Variants in PCDHA5 observed in about 807,000 individuals in gnomAD.
The protein encoded by PCDHA5 is protocadherin alpha 5.
PCDHA5 carries 43 observed loss-of-function variants against 61.6 expected under a neutral mutation model. The observed-to-expected ratio is 0.70, with a 90% CI of 0.55 to 0.90. PCDHA5 has a LOEUF of 0.90. Among genes scored for constraint, PCDHA5 ranks in the 40% least tolerant of loss-of-function variants. The probability of loss-of-function intolerance (pLI) is 0.00; values close to 1 mark genes in which losing one functional copy is unlikely to be tolerated. For missense variants in PCDHA5, 1,298 were observed against 1,222.7 expected (o/e 1.06, Z -0.92); for synonymous variants, 627 against 543.9 (o/e 1.15, Z -2.13).
At chr5:140,899,035 G>C (rs2067107583) in intron 1 of PCDHA5, among the ~76,000 whole-genome samples, 1 of 151,908 alleles carries the variant, frequency 6.6e-6, no homozygotes, top group African/African-American at 2.4e-5. Context: ...TTTGTACATT[G>C]ATTTTGTATC....
chr5:140,876,092 A>C, intron 1 of PCDHA5: 2 of 1,613,948 alleles, frequency 1.2e-6, no homozygotes, highest in Non-Finnish European at 1.7e-6. Context: ...CAAACGCCAA[A>C]ACTCAATTTA....
chr5:140,830,142 T>A, intron 1 of PCDHA5: 7 of 1,613,256 alleles, frequency 4.3e-6, no homozygotes, highest in Non-Finnish European at 5.9e-6. Context: ...CGGGCGTCGG[T>A]GGGCGCCGCG....
intron 1 of PCDHA5, chr5:140,927,292 C>G (rs782109776): frequency 1.3e-5 from 21 of 1,614,162 alleles, no homozygotes; most frequent in Non-Finnish European, 1.7e-6. Context: ...GCTGCACATC[C>G]CCGAGTTCCT....
In PCDHA5 at chr5:140,822,473, A is replaced by T. The variant is rs2150116639; in HGVS notation, c.698A>T (p.Asp233Val). The T allele has an allele frequency of 3.7e-6, 6 of 1,613,830 alleles. No individual in the cohort carries two copies. Among genetic ancestry groups the T allele is most frequent in the Middle Eastern group, 3.3e-4 (2 of 6,062 alleles). The change falls in exon 1 of 4, where the codon GAT (aspartate) becomes GTT (valine). Residue 233 changes from aspartate to valine, a missense_variant. Transcript: ENST00000529859. ...GTTCAGTTGTTGATCAATGTATTGG[A>T]TGCTAATGATAACGCCCCAGAATTT... is the stretch of plus-strand genomic sequence containing the variant. ...GTVQLLINVL[D>V]ANDNAPEFDK... is the part of the protein sequence containing the mutation.
At chr5:140,974,284 G>C (rs1409183152) in intron 1 of PCDHA5, among the ~76,000 whole-genome samples, 2 of 152,092 alleles carry the variant, frequency 1.3e-5, no homozygotes, top group Non-Finnish European at 2.9e-5. Flanking sequence ...CAGAACTCTG[G>C]GCTCCAAGGA....
Position 141,009,639 on chromosome 5 carries a change from G to A in PCDHA5, c.2513G>A (p.Gly838Glu). The stretch of plus-strand genomic sequence containing the variant: ...TTTTGTCTTTCAGAACCAGAGGCAG[G>A]AGAAGTGTCCCCTCCAGTCGGTGCG... ...VSSATPEPEA[G>E]EVSPPVGAGV... The change falls in exon 4 of 4, where the codon GGA becomes GAA. Residue 838 changes from glycine to glutamate, a missense_variant. Transcript: ENST00000529859. The A allele has an allele frequency of 6.2e-7, 1 of 1,613,406 alleles. No individual in the cohort carries two copies. The highest frequency in any genetic ancestry group is 8.5e-7 in the Non-Finnish European group (1 of 1,179,594).
intron 1 of PCDHA5, chr5:140,875,557 G>A (rs2055595805): frequency 6.2e-7 from 1 of 1,613,946 alleles, no homozygotes; most frequent in Non-Finnish European, 8.5e-7. Flanking sequence ...GGTGGGGAGC[G>A]GCCAGCTCCA....
At position 140,843,578 on chromosome 5, in the gene PCDHA5, C is replaced by T. The variant is rs1372766659; in HGVS notation, c.2352+19451C>T. On this transcript the variant is annotated intron_variant, in intron 1 of 3. Coordinates refer to ENST00000529859, the MANE Select transcript of PCDHA5 (RefSeq NM_018908.3). ...GGTGGGGAGCTGGTCATACTCGCAA[C>T]AACAGCCGCAGAGGGTGTGCTCTGG... 9 of 1,595,980 alleles carry T rather than the reference C, an allele frequency of 5.6e-6. 1 individual carries two copies. The highest frequency in any genetic ancestry group is 7.7e-6 in the Non-Finnish European group (9 of 1,165,492).
chr5:140,880,063 G>A (rs750549371), intron 1 of PCDHA5, among the ~76,000 whole-genome samples: 2 of 151,982 alleles, frequency 1.3e-5, no homozygotes, highest in Non-Finnish European at 2.9e-5. Flanking sequence ...AACTTTTTGG[G>A]GACCACAATT....
intron 1 of PCDHA5, among the ~76,000 whole-genome samples, chr5:140,945,351 A>C (rs1368185977): frequency 6.6e-6 from 1 of 152,138 alleles, no homozygotes; most frequent in Admixed American, 6.5e-5. Flanking sequence ...GGAAAAATTA[A>C]TACTGTTTAA....
At chr5:140,937,829 A>G (rs1305110198) in intron 1 of PCDHA5, among the ~76,000 whole-genome samples, 2 of 148,988 alleles carry the variant, frequency 1.3e-5, no homozygotes, top group African/African-American at 2.5e-5. Context: ...GGAGAATGGC[A>G]TGAACCTGGA....
chr5:140,889,417 A>G (rs2062219100), intron 1 of PCDHA5, among the ~76,000 whole-genome samples: 1 of 152,040 alleles, frequency 6.6e-6, no homozygotes. Context: ...TCAGTTACGT[A>G]GATAATATTT....
intron 3 of PCDHA5, among the ~76,000 whole-genome samples, chr5:141,003,801 A>T (rs1554259323): frequency 1.3e-5 from 2 of 152,172 alleles, no homozygotes; most frequent in African/African-American, 4.8e-5. Context: ...ATTGGGTTGT[A>T]ATCTGTAGTC....
chr5:140,885,566 G>T (rs190303990), intron 1 of PCDHA5, among the ~76,000 whole-genome samples: 3 of 152,162 alleles, frequency 2.0e-5, no homozygotes, highest in South Asian at 4.2e-4. Flanking sequence ...GAAATTGATT[G>T]TCAGATGTGG....
At chr5:140,922,866 GA>G (rs557650266) in intron 1 of PCDHA5, among the ~76,000 whole-genome samples, 2 of 152,096 alleles carry the variant, frequency 1.3e-5, no homozygotes, top group Non-Finnish European at 2.9e-5. Flanking sequence ...TAGACAAGGG[GA>G]AAAAATCCAA....
Position 140,848,639 on chromosome 5 carries a change from C to A in PCDHA5, c.2352+24512C>A, listed in dbSNP as rs2150415771. 38 of 1,593,274 alleles carry A rather than the reference C, an allele frequency of 2.4e-5. 3 individuals carry two copies. Among genetic ancestry groups the A allele is most frequent in the Non-Finnish European group, 3.1e-5 (36 of 1,163,894 alleles). On this transcript the variant is annotated intron_variant, in intron 1 of 3. Coordinates refer to ENST00000529859, the MANE Select transcript of PCDHA5 (RefSeq NM_018908.3). ...AACACGGCACCTTCGTGGGCCGCAT[C>A]GCGCAGGACCTGGGGCTGGAGCTGG... is the stretch of plus-strand genomic sequence containing the variant.
At chr5:140,858,581 T>C in intron 1 of PCDHA5, 1 of 1,350,098 alleles carries the variant, frequency 7.4e-7, no homozygotes, top group South Asian at 1.4e-5. Context: ...CTTTGTAATA[T>C]AATTTATTCC....
intron 1 of PCDHA5, among the ~76,000 whole-genome samples, chr5:140,892,021 G>A (rs2063355611): frequency 6.6e-6 from 1 of 152,160 alleles, no homozygotes; most frequent in Admixed American, 6.5e-5. Context: ...AGCACAAATG[G>A]TCTAAGATAC....
At chr5:140,936,527 T>G (rs533687361) in intron 1 of PCDHA5, among the ~76,000 whole-genome samples, 3 of 152,368 alleles carry the variant, frequency 2.0e-5, no homozygotes, top group African/African-American at 7.2e-5. Context: ...CTGAAATTGC[T>G]TTTGAATATA....
Sources: gnomAD v4.1 joint callset for allele counts (sites outside exome capture counted in the v4.1 genomes callset) on GRCh38, gnomAD v4.1.1 for gene constraint, MANE v1.5 for transcripts, NCBI Gene and HGNC (gene_info 2026-07-23, HGNC 2026-07-21) for gene names.